Variants in MIOS observed in about 807,000 individuals in gnomAD.
MIOS encodes the protein GATOR2 complex protein MIOS.
In MIOS, 52 loss-of-function variants were observed where a neutral mutation model predicts 96.9. The observed-to-expected ratio is 0.54, with a 90% confidence interval of 0.43 to 0.68. The LOEUF is 0.68. MIOS is among the 30% of genes least tolerant of loss of function. The pLI is 0.00. For missense variants in MIOS, 1,005 were observed against 1,052.8 expected, an observed-to-expected ratio of 0.95 and a Z score of 0.63; for synonymous variants, 397 against 359.5, an observed-to-expected ratio of 1.10 and a Z score of -1.18.
chr7:7,606,904 A>T, intron 12 of MIOS, 92 bp from the exon 13 acceptor site: 1 of 1,012,256 alleles, frequency 9.9e-7, no homozygotes, highest in Non-Finnish European at 1.5e-6. Flanking sequence ...TGGGAAATAT[A>T]GGGAGACCCT....
In MIOS at chr7:7,568,086, A is replaced by C. The variant is rs1329221850; in HGVS notation, c.-78A>C. 1 of 152,226 alleles carries C rather than the reference A, an allele frequency of 6.6e-6. No homozygotes were observed. Among genetic ancestry groups the C allele is most frequent in the East Asian group, 1.9e-4 (1 of 5,198 alleles). 9.4% of individuals were successfully genotyped at this position (152,226 alleles called of 1,614,324 possible). Reference sequence around the variant, plus strand: ...TCAGCATGGCTTTCCTTTGCTGAGAAATCACTGATGGGAAGTGAGACTTGT... The same window carrying C: ...TCAGCATGGCTTTCCTTTGCTGAGACATCACTGATGGGAAGTGAGACTTGT... On this transcript the variant is annotated 5_prime_UTR_variant, in exon 3 of 13. Coordinates refer to ENST00000340080, the MANE Select transcript of MIOS (RefSeq NM_019005.4).
chr7:7,585,481 T>C, intron 6 of MIOS, among the ~76,000 whole-genome samples, 155 bp from the exon 7 acceptor site: 1 of 150,016 alleles, frequency 6.7e-6, no homozygotes, highest in Non-Finnish European at 1.5e-5. Flanking sequence ...AAAGAATGGC[T>C]ACTCCATAGG....
Position 7,583,122 on chromosome 7 carries a change from G to A in MIOS, c.1398G>A (p.Met466Ile). 1 of 1,602,868 alleles carries A rather than the reference G, an allele frequency of 6.2e-7. No individual in the cohort carries two copies. The highest frequency in any genetic ancestry group is 2.2e-5 in the East Asian group (1 of 44,750). ...AAAAATGTTTTCTGTTTTTAGGAAT[G>A]GTGGAAAGCAGCAGACATAATTGGA... is the stretch of plus-strand genomic sequence containing the variant. Reference protein sequence around the residue: ...IKSIVKSSLGMVESSRHNWSG... With the variant: ...IKSIVKSSLGIVESSRHNWSG... Residue 466 changes from methionine (M) to isoleucine (I), a missense_variant, in exon 6 of 13, where the codon ATG becomes ATA. Coordinates refer to ENST00000340080, the MANE Select transcript of MIOS (RefSeq NM_019005.4).
intron 3 of MIOS, among the ~76,000 whole-genome samples, chr7:7,568,635 A>G (rs11980579): frequency 1.3e-5 from 2 of 152,166 alleles, no homozygotes; most frequent in Non-Finnish European, 2.9e-5. Context: ...CTGTCTGGAC[A>G]TTGTAAATAA....
chr7:7,572,731 C>G lies in MIOS; in HGVS notation c.256C>G (p.Arg86Gly). Residue 86 changes from arginine to glycine, a missense_variant, in exon 4 of 13, where the codon CGA becomes GGA. By Grantham distance (125) the Arg-to-Gly change is moderately radical (BLOSUM62 -2). Around this residue, in one of 3 missense-constraint regions of MIOS, gnomAD observed 137 missense variants for 148.6 expected, o/e 0.92. Coordinates refer to ENST00000340080, the MANE Select transcript of MIOS (RefSeq NM_019005.4). The surrounding 1 kb of genome is among the most constrained non-coding windows in gnomAD (Gnocchi z 4.8). ...CLLAVGQANG[R>G]VVLTSLGQDH... ...GCTGGCAGTTGGACAAGCAAATGGTCGAGTTGTACTTACAAGCCTTGGTCA... is the reference window on the plus strand; with the variant it reads ...GCTGGCAGTTGGACAAGCAAATGGTGGAGTTGTACTTACAAGCCTTGGTCA... 6.2e-7 allele frequency: 1 copy of G among 1,614,018 alleles called. No individual in the cohort carries two copies. The highest frequency in any genetic ancestry group is 8.5e-7 in the Non-Finnish European group (1 of 1,179,976).
intron 5 of MIOS, among the ~76,000 whole-genome samples, chr7:7,580,048 T>G (rs1001873912): frequency 5.3e-5 from 8 of 152,236 alleles, no homozygotes; most frequent in African/African-American, 1.9e-4. Flanking sequence ...TGCTCACCTG[T>G]TTTAAAATTG....
intron 2 of MIOS, 23 bp downstream of exon 2, chr7:7,567,711 T>G (rs1239051015): frequency 2.0e-5 from 3 of 152,150 alleles, no homozygotes; most frequent in Non-Finnish European, 4.4e-5. Flanking sequence ...AAAGACAACA[T>G]CAAAAAGCAT....
chr7:7,577,031 C>T (rs1183731297), intron 5 of MIOS, among the ~76,000 whole-genome samples: 1 of 151,952 alleles, frequency 6.6e-6, no homozygotes, highest in East Asian at 1.9e-4. Flanking sequence ...GTCCATTGGG[C>T]AATAGGATAT....
chr7:7,581,871 C>G (rs1445938987), intron 5 of MIOS: 2 of 152,186 alleles, frequency 1.3e-5, no homozygotes, highest in African/African-American at 4.8e-5. Context: ...ATAATCTTCC[C>G]TTGATTCGCT....
intron 9 of MIOS, among the ~76,000 whole-genome samples, chr7:7,592,583 TG>T (rs1437326284): frequency 1.3e-5 from 2 of 152,066 alleles, no homozygotes; most frequent in Non-Finnish European, 2.9e-5. Context: ...GTGGGAGCTC[TG>T]AGGTTATTTT....
chr7:7,570,026 C>G (rs990466792), intron 3 of MIOS, among the ~76,000 whole-genome samples: 3 of 133,336 alleles, frequency 2.2e-5, no homozygotes, highest in Admixed American at 2.2e-4. Flanking sequence ...GGGTTTTAAG[C>G]AAGGAAGGAT....
intron 9 of MIOS, 123 bp downstream of exon 9, chr7:7,589,686 T>C: frequency 1.9e-6 from 2 of 1,027,084 alleles, no homozygotes; most frequent in Middle Eastern, 2.4e-4. Context: ...AGTTTTAACC[T>C]AATCAGTTGA....
chr7:7,598,898 G>T (rs939558656), intron 11 of MIOS, among the ~76,000 whole-genome samples: 2 of 151,912 alleles, frequency 1.3e-5, no homozygotes, highest in Non-Finnish European at 2.9e-5. Flanking sequence ...TTCCATATTT[G>T]TTATAGAATT....
rs1369421842 is a variant in MIOS, at chr7:7,608,158, T to G, written c.*1066T>G. ...ACTGGGGCTAAGTCAGGTACTTTAT[T>G]TAAAACATTTTTTTTTCTCATTTCA... On this transcript the variant is annotated 3_prime_UTR_variant, in exon 13 of 13. Transcript: ENST00000340080. The G allele has an allele frequency of 1.3e-4, 2 of 15,340 alleles. No individual in the cohort carries two copies. Among genetic ancestry groups the G allele is most frequent in the Non-Finnish European group, 2.5e-4 (2 of 8,050 alleles). The allele number at this position is 15,340 out of a possible 1,614,324, so 1.0% of individuals were successfully genotyped here. A position where few individuals can be genotyped will look rare whatever the true frequency, so the allele number is the denominator to read the frequency against.
At chr7:7,590,018 A>G (rs548385208) in intron 9 of MIOS, among the ~76,000 whole-genome samples, 1 of 152,182 alleles carries the variant, frequency 6.6e-6, no homozygotes, top group South Asian at 2.1e-4. Context: ...TATTTTCTCA[A>G]TTTTTACTGT....
At chr7:7,585,119 A>G (rs1266282876) in intron 6 of MIOS, among the ~76,000 whole-genome samples, 1 of 152,178 alleles carries the variant, frequency 6.6e-6, no homozygotes, top group East Asian at 1.9e-4. Flanking sequence ...TTGAGATGCA[A>G]TATTTACTAT....
At chr7:7,604,929 C>T (rs997501620) in intron 11 of MIOS, among the ~76,000 whole-genome samples, 1 of 151,890 alleles carries the variant, frequency 6.6e-6, no homozygotes, top group Non-Finnish European at 1.5e-5. Context: ...TCCTTTTTGC[C>T]CTCTCATTAT....
At chr7:7,579,402 A>G (rs1783640323) in intron 5 of MIOS, among the ~76,000 whole-genome samples, 3 of 152,216 alleles carry the variant, frequency 2.0e-5, no homozygotes, top group African/African-American at 7.2e-5. Flanking sequence ...CTACTGCACA[A>G]TGACGTTTCT....
chr7:7,589,493 G>C lies in MIOS; in HGVS notation c.1973G>C (p.Gly658Ala). The C allele has an allele frequency of 6.2e-7, 1 of 1,613,694 alleles. No homozygotes were observed. The highest frequency in any genetic ancestry group is 8.5e-7 in the Non-Finnish European group (1 of 1,179,756). The change falls in exon 9 of 13, where the codon GGA becomes GCA. Residue 658 changes from glycine (G) to alanine (A), a missense_variant. This residue lies in a region of MIOS where 865 missense variants were observed against 887.9 expected (regional missense o/e 0.97). Transcript: ENST00000340080. Reference sequence around the variant, plus strand: ...TTGCTTACAGGCCTTACTAAAGATGGAGTGGACTTAATGGAGAGTTATGTT... The same window carrying C: ...TTGCTTACAGGCCTTACTAAAGATGCAGTGGACTTAATGGAGAGTTATGTT... Reference protein sequence around the residue: ...GILLTGLTKDGVDLMESYVDR... With the variant: ...GILLTGLTKDAVDLMESYVDR...
Sources: allele counts gnomAD v4.1 joint callset (sites outside exome capture counted in the v4.1 genomes callset), GRCh38; gene constraint gnomAD v4.1.1; regional missense constraint gnomAD v4.1.1; non-coding constraint Gnocchi (gnomAD v3.1); transcripts MANE v1.5; gene names NCBI Gene and HGNC (gene_info 2026-07-23, HGNC 2026-07-21).